Variants in ZRANB3 observed in about 807,000 individuals in gnomAD.
ZRANB3 encodes the protein DNA annealing helicase and endonuclease ZRANB3.
ZRANB3 carries 125 observed loss-of-function variants against 133.8 expected under a neutral mutation model. The ratio of observed to expected loss-of-function variants is 0.93; its 90% CI spans 0.81 to 1.08. The LOEUF (loss-of-function observed/expected upper bound fraction) is 1.08. Ranked by LOEUF, ZRANB3 falls within the 50% of genes least tolerant of loss-of-function variation. The pLI is 0.00. For synonymous variants in ZRANB3, 387 were observed against 432.7 expected (o/e 0.89, Z 1.31); for missense variants, 1,229 against 1,275.5 (o/e 0.96, Z 0.56).
intron 3 of ZRANB3, among the ~76,000 whole-genome samples, chr2:135,360,914 A>C (rs1685664008): frequency 6.7e-6 from 1 of 148,752 alleles, no homozygotes; most frequent in Non-Finnish European, 1.5e-5. Flanking sequence ...CTACAGGTGC[A>C]CACCACCATG....
intron 18 of ZRANB3, 27 bp from the exon 19 acceptor site, chr2:135,207,863 G>C: frequency 6.4e-7 from 1 of 1,565,318 alleles, no homozygotes; most frequent in South Asian, 1.2e-5. Context: ...CACTGAATAG[G>C]TAACTAATGA....
At chr2:135,421,767 C>A (rs1017435305) in intron 2 of ZRANB3, among the ~76,000 whole-genome samples, 1 of 151,920 alleles carries the variant, frequency 6.6e-6, no homozygotes, top group Non-Finnish European at 1.5e-5. Flanking sequence ...CCTTTTAGCC[C>A]TCTTCTTTTG....
chr2:135,372,063 G>A (rs1017194836), intron 3 of ZRANB3, among the ~76,000 whole-genome samples: 77 of 151,696 alleles, frequency 5.1e-4, no homozygotes, highest in Non-Finnish European at 1.8e-4. Flanking sequence ...AACTACTCGG[G>A]AGGCTGAGGC....
At chr2:135,354,203 A>G (rs183374218) in intron 3 of ZRANB3, among the ~76,000 whole-genome samples, 5 of 152,332 alleles carry the variant, frequency 3.3e-5, no homozygotes, top group Non-Finnish European at 1.5e-5. Context: ...AGTTTTATAA[A>G]ATGTATGTAA....
intron 19 of ZRANB3, 69 bp from the exon 20 acceptor site, chr2:135,203,032 G>C (rs1262545779): frequency 1.3e-6 from 2 of 1,542,472 alleles, no homozygotes; most frequent in Non-Finnish European, 1.8e-6. Flanking sequence ...GTTTTGCATT[G>C]TGCAATCATG....
At chr2:135,368,682 T>C (rs774359323) in intron 3 of ZRANB3, among the ~76,000 whole-genome samples, 8 of 151,966 alleles carry the variant, frequency 5.3e-5, no homozygotes, top group Non-Finnish European at 1.0e-4. Flanking sequence ...AGGAGATGGA[T>C]ACCCCATTTA....
At chr2:135,248,878 C>A (rs988172012) in intron 12 of ZRANB3, among the ~76,000 whole-genome samples, 4 of 152,060 alleles carry the variant, frequency 2.6e-5, no homozygotes, top group Admixed American at 6.6e-5. Context: ...CACATTCCAG[C>A]CTGGGTGAGA....
Position 135,227,845 on chromosome 2 carries a change from T to C in ZRANB3, c.2125A>G (p.Lys709Glu). 1 of 1,577,436 alleles carries C rather than the reference T, an allele frequency of 6.3e-7. No individual in the cohort carries two copies. The highest frequency in any genetic ancestry group is 8.6e-7 in the Non-Finnish European group (1 of 1,159,604). ...DSKEETPKIE[K>E]EDGLTSQPGN... is the part of the protein sequence containing the mutation. ...GGCTGGGATGTAAGTCCGTCTTCTT[T>C]CTCAATTTTTGGTGTTTCTTCCTTG... Residue 709 changes from lysine to glutamate, a missense_variant, in exon 14 of 21, where the codon AAA becomes GAA. Coordinates refer to ENST00000264159, the MANE Select transcript of ZRANB3 (RefSeq NM_032143.4).
chr2:135,460,844 A>T (rs942644405), intron 2 of ZRANB3, among the ~76,000 whole-genome samples: 1 of 152,190 alleles, frequency 6.6e-6, no homozygotes, highest in Non-Finnish European at 1.5e-5. Flanking sequence ...TTTATAATAC[A>T]TATAAATCAT....
intron 2 of ZRANB3, among the ~76,000 whole-genome samples, chr2:135,429,607 G>T (rs1689232791): frequency 6.6e-6 from 1 of 152,052 alleles, no homozygotes; most frequent in Non-Finnish European, 1.5e-5. Context: ...ATGAGAAGTA[G>T]TGTGTGATGT....
At chr2:135,330,261 TGAAGGG>T (rs1180895055) in intron 6 of ZRANB3, among the ~76,000 whole-genome samples, 2 of 152,188 alleles carry the variant, frequency 1.3e-5, no homozygotes, top group Non-Finnish European at 2.9e-5. Flanking sequence ...GTTTTTGGCA[TGAAGGG>T]CTGTTGAATT....
chr2:135,308,981 A>AT (rs68010822), intron 8 of ZRANB3, among the ~76,000 whole-genome samples: 34,306 of 135,596 alleles, frequency 0.25, 7,247 homozygotes, highest in African/African-American at 0.57. Context: ...TAATAACATC[A>AT]TTTTTTTTTT....
chr2:135,346,714 T>A (rs1171535849), intron 5 of ZRANB3, among the ~76,000 whole-genome samples: 1 of 152,188 alleles, frequency 6.6e-6, no homozygotes, highest in East Asian at 1.9e-4. Context: ...TCTTTTCATT[T>A]TTACAGCTCT....
Position 135,207,449 on chromosome 2 carries a change from C to A in ZRANB3, c.2994G>T (p.Lys998Asn). 2 of 1,610,316 alleles carry A rather than the reference C, an allele frequency of 1.2e-6. No homozygotes were observed. Among genetic ancestry groups the A allele is most frequent in the Non-Finnish European group, 1.7e-6 (2 of 1,177,964 alleles). Residue 998 changes from lysine to asparagine, a missense_variant, in exon 19 of 21, where the codon AAG becomes AAT. Physicochemically the swap from Lys to Asn is moderately conservative, Grantham distance 94 (BLOSUM62 0). Transcript: ENST00000264159. ...TATAACTTACCTGTTCTAATGGGAGCTTTGAAGTCCAGGTAGCATACAGAA... is the reference window on the plus strand; with the variant it reads ...TATAACTTACCTGTTCTAATGGGAGATTTGAAGTCCAGGTAGCATACAGAA... ...KNLLYATWTS[K>N]LPLEQLNEMI... is the part of the protein sequence containing the mutation.
intron 6 of ZRANB3, among the ~76,000 whole-genome samples, chr2:135,329,362 T>C (rs1373235537): frequency 1.3e-5 from 2 of 152,126 alleles, no homozygotes; most frequent in African/African-American, 2.4e-5. Flanking sequence ...AAAGATCAGA[T>C]GGTTGTAGAT....
intron 8 of ZRANB3, among the ~76,000 whole-genome samples, chr2:135,282,830 AATCT>A (rs1318900977): frequency 1.3e-5 from 2 of 152,210 alleles, no homozygotes; most frequent in South Asian, 2.1e-4. Flanking sequence ...ATTATCAATC[AATCT>A]ATCAATTTGG....
At chr2:135,387,425 T>A (rs990539963) in intron 3 of ZRANB3, among the ~76,000 whole-genome samples, 4 of 152,200 alleles carry the variant, frequency 2.6e-5, no homozygotes, top group African/African-American at 9.7e-5. Context: ...TTCAGCACAT[T>A]TAATTTATTA....
intron 11 of ZRANB3, among the ~76,000 whole-genome samples, chr2:135,267,305 G>T (rs928782615): frequency 6.6e-6 from 1 of 152,118 alleles, no homozygotes; most frequent in Non-Finnish European, 1.5e-5. Flanking sequence ...ATCTCATGGG[G>T]AAGGGGCTGA....
intron 2 of ZRANB3, among the ~76,000 whole-genome samples, chr2:135,431,466 T>G (rs1689321496): frequency 6.6e-6 from 1 of 152,026 alleles, no homozygotes; most frequent in Non-Finnish European, 1.5e-5. Context: ...ACAAAAAGTA[T>G]GAAAAGTAAA....
Sources: allele counts gnomAD v4.1 joint callset (sites outside exome capture counted in the v4.1 genomes callset), GRCh38; gene constraint gnomAD v4.1.1; transcripts MANE v1.5; gene names NCBI Gene and HGNC (gene_info 2026-07-23, HGNC 2026-07-21).